Variants in RBFOX1 observed in about 807,000 individuals in gnomAD.
The protein encoded by RBFOX1 is RNA binding protein fox-1 homolog 1.
In RBFOX1, 8 loss-of-function variants were observed where a neutral mutation model predicts 57.7. The ratio of observed to expected loss-of-function variants is 0.14; its 90% CI spans 0.08 to 0.25. RBFOX1 has a LOEUF of 0.25. Ranked by LOEUF, RBFOX1 falls within the 10% of genes least tolerant of loss-of-function variation. The pLI, the probability that RBFOX1 is intolerant of heterozygous loss-of-function variation, is 1.00. For missense variants in RBFOX1, 611 were observed against 548.5 expected (o/e 1.11, Z -1.14); for synonymous variants, 326 against 222.4 (o/e 1.47, Z -4.15).
intron 1 of RBFOX1, among the ~76,000 whole-genome samples, chr16:6,154,643 C>T (rs1229451555): frequency 6.6e-6 from 1 of 152,088 alleles, no homozygotes; most frequent in African/African-American, 2.4e-5. Flanking sequence ...GTATTGGAAT[C>T]AGAAGCAGGG....
intron 3 of RBFOX1, among the ~76,000 whole-genome samples, chr16:6,673,634 A>G (rs778360530): frequency 6.6e-6 from 1 of 152,126 alleles, no homozygotes; most frequent in Non-Finnish European, 1.5e-5. Context: ...ATTGAACACA[A>G]AGTAATGAAA....
At chr16:6,416,299 G>C (rs1029982963) in intron 2 of RBFOX1, among the ~76,000 whole-genome samples, 3 of 152,134 alleles carry the variant, frequency 2.0e-5, no homozygotes, top group Admixed American at 6.5e-5. Context: ...TATTAAGCCG[G>C]TAAAATCACC....
intron 1 of RBFOX1, among the ~76,000 whole-genome samples, chr16:5,268,689 G>A (rs1383382470): frequency 4.6e-5 from 7 of 152,198 alleles, no homozygotes; most frequent in South Asian, 4.1e-4. Flanking sequence ...GCCTCTCTCC[G>A]TCTTTGTTCT....
At chr16:6,984,280 G>C (rs990179667) in intron 3 of RBFOX1, among the ~76,000 whole-genome samples, 3 of 152,060 alleles carry the variant, frequency 2.0e-5, no homozygotes, top group Non-Finnish European at 4.4e-5. Flanking sequence ...GGATCCTCCT[G>C]TACTACCTGT....
At chr16:7,309,882 C>T (rs889611486) in intron 4 of RBFOX1, among the ~76,000 whole-genome samples, 34 of 152,180 alleles carry the variant, frequency 2.2e-4, no homozygotes, top group African/African-American at 8.0e-4. Context: ...GTCCCATCTG[C>T]AGACCCCTTT....
chr16:6,650,210 G>A (rs189266933), intron 2 of RBFOX1, among the ~76,000 whole-genome samples: 1 of 152,296 alleles, frequency 6.6e-6, no homozygotes, highest in African/African-American at 2.4e-5. Flanking sequence ...TGGTTGGAGA[G>A]TCTCACTTTG....
intron 3 of RBFOX1, among the ~76,000 whole-genome samples, chr16:5,833,988 C>T (rs930351969): frequency 6.6e-6 from 1 of 152,180 alleles, no homozygotes; most frequent in Non-Finnish European, 1.5e-5. Context: ...CCTGAGCCCC[C>T]TGCAAATGCA....
intron 3 of RBFOX1, among the ~76,000 whole-genome samples, chr16:6,978,523 G>A (rs1027403167): frequency 1.3e-5 from 2 of 152,122 alleles, no homozygotes; most frequent in Non-Finnish European, 2.9e-5. Flanking sequence ...GGGAAGCTGA[G>A]GTTCATAGAA....
At chr16:6,438,858 C>G (rs1365014673) in intron 2 of RBFOX1, among the ~76,000 whole-genome samples, 1 of 152,188 alleles carries the variant, frequency 6.6e-6, no homozygotes, top group Non-Finnish European at 1.5e-5. Context: ...GTATTCTTAA[C>G]ATTGTGCATG....
intron 1 of RBFOX1, among the ~76,000 whole-genome samples, chr16:6,301,514 C>T (rs114679776): frequency 1.1e-3 from 163 of 151,816 alleles, no homozygotes; most frequent in Middle Eastern, 3.4e-3. Flanking sequence ...ATCTAGTTTC[C>T]GGAGATGTGA....
intron 4 of RBFOX1, among the ~76,000 whole-genome samples, chr16:7,434,657 TTTTACA>T (rs2098708090): frequency 2.6e-5 from 4 of 152,216 alleles, no homozygotes; most frequent in Middle Eastern, 6.8e-3. Flanking sequence ...TTTAGAATAC[TTTTACA>T]TTTACAGAAA....
At chr16:6,147,804 A>G (rs1049318947) in intron 1 of RBFOX1, among the ~76,000 whole-genome samples, 3 of 152,208 alleles carry the variant, frequency 2.0e-5, no homozygotes, top group African/African-American at 2.4e-5. Context: ...AAACCTAGGC[A>G]TTATGATTGA....
chr16:5,725,782 A>G (rs2052127417), intron 3 of RBFOX1, among the ~76,000 whole-genome samples: 1 of 151,938 alleles, frequency 6.6e-6, no homozygotes, highest in South Asian at 2.1e-4. Flanking sequence ...TGGCACTGCT[A>G]GCTGCCCTCT....
At chr16:6,374,368 T>A (rs1408901672) in intron 2 of RBFOX1, among the ~76,000 whole-genome samples, 2 of 152,240 alleles carry the variant, frequency 1.3e-5, no homozygotes, top group Non-Finnish European at 2.9e-5. Flanking sequence ...TACTGATGGA[T>A]AGACATTCTG....
intron 3 of RBFOX1, among the ~76,000 whole-genome samples, chr16:6,916,534 A>G (rs2073202856): frequency 6.6e-6 from 1 of 151,440 alleles, no homozygotes; most frequent in African/African-American, 2.4e-5. Flanking sequence ...CAGGACCATT[A>G]GTGGCACAGA....
chr16:7,472,618 C>G (rs909521667), intron 4 of RBFOX1, among the ~76,000 whole-genome samples: 5 of 152,164 alleles, frequency 3.3e-5, no homozygotes, highest in African/African-American at 1.2e-4. Flanking sequence ...CAATTCAGTT[C>G]TTCTCCTCCG....
intron 11 of RBFOX1, among the ~76,000 whole-genome samples, chr16:7,639,788 C>T (rs1414607068): frequency 6.6e-6 from 1 of 152,100 alleles, no homozygotes; most frequent in East Asian, 1.9e-4. Context: ...CTACTGAGAC[C>T]CTATTTGCTT....
chr16:7,340,502 T>C (rs2096871982), intron 4 of RBFOX1, among the ~76,000 whole-genome samples: 1 of 152,222 alleles, frequency 6.6e-6, no homozygotes. Flanking sequence ...CACTCGTGTA[T>C]TTGGGATATT....
intron 5 of RBFOX1, among the ~76,000 whole-genome samples, chr16:7,567,808 C>A (rs2092264437): frequency 6.8e-6 from 1 of 146,108 alleles, no homozygotes; most frequent in African/African-American, 2.5e-5. Flanking sequence ...TATATATATC[C>A]CCATATATAT....
Sources: allele counts gnomAD v4.1 joint callset (sites outside exome capture counted in the v4.1 genomes callset), GRCh38; gene constraint gnomAD v4.1.1; transcripts MANE v1.5; gene names NCBI Gene and HGNC (gene_info 2026-07-23, HGNC 2026-07-21).